The following ERC2 variants were observed in gnomAD, a reference collection of about 807,000 sequenced individuals.
The protein encoded by ERC2 is ELKS/RAB6-interacting/CAST family member 2.
A neutral mutation model predicts 114.8 loss-of-function variants in ERC2; 42 were observed. The observed-to-expected ratio is 0.37, with a 90% CI of 0.29 to 0.47. The LOEUF is 0.47. Ranked by LOEUF, ERC2 falls within the 20% of genes least tolerant of loss-of-function variation. The pLI, the probability that ERC2 is intolerant of heterozygous loss-of-function variation, is 0.99. For synonymous variants in ERC2, 454 were observed against 425.5 expected (o/e 1.07, Z -0.82); for missense variants, 939 against 1,150.7 (o/e 0.82, Z 2.66).
At chr3:55,706,525 T>C (rs2063499498) in intron 15 of ERC2, among the ~76,000 whole-genome samples, 1 of 151,986 alleles carries the variant, frequency 6.6e-6, no homozygotes, top group South Asian at 2.1e-4. Flanking sequence ...GCCTCCAGAG[T>C]AGCTGGGATT....
intron 10 of ERC2, among the ~76,000 whole-genome samples, chr3:56,003,904 T>A (rs9829405): frequency 0.04 from 6,093 of 152,148 alleles, 262 homozygotes; most frequent in African/African-American, 0.11. Context: ...TATTTTAAAC[T>A]GCACTCTCAA....
intron 4 of ERC2, among the ~76,000 whole-genome samples, chr3:56,158,427 G>C (rs2081859708): frequency 6.6e-6 from 1 of 152,130 alleles, no homozygotes. Context: ...GGCTTATTTA[G>C]TTCCTTCTCT....
chr3:55,961,800 A>T (rs556251751), intron 12 of ERC2, among the ~76,000 whole-genome samples: 3 of 149,976 alleles, frequency 2.0e-5, no homozygotes, highest in Non-Finnish European at 4.4e-5. Context: ...ATTAAAAAAA[A>T]TTCAATTTCA....
Position 55,814,505 on chromosome 3 carries a change from T to C in ERC2, c.2564+73884A>G, listed in dbSNP as rs1006970383. ...ATTTTGAAGTATGAATCACATTCTC[T>C]ACTCTTCCCTTTCTGTTCAAATAGG... On this transcript the variant is annotated intron_variant, in intron 14 of 17. Transcript: ENST00000288221. Among the ~76,000 whole-genome samples, 8 of 152,362 alleles carry C rather than the reference T, an allele frequency of 5.3e-5. 1 individual carries two copies. In the South Asian group the frequency reaches 1.0e-3, roughly 20 times the overall value.
chr3:55,746,037 T>G (rs959610993), intron 14 of ERC2, among the ~76,000 whole-genome samples: 5 of 152,218 alleles, frequency 3.3e-5, no homozygotes, highest in African/African-American at 1.2e-4. Flanking sequence ...TTTCCCTTCT[T>G]AATTTGAATA....
intron 14 of ERC2, among the ~76,000 whole-genome samples, chr3:55,843,826 T>G (rs2061237138): frequency 6.6e-6 from 1 of 152,202 alleles, no homozygotes; most frequent in Non-Finnish European, 1.5e-5. Flanking sequence ...ATTAGCTCTC[T>G]CCTCCCAATT....
intron 14 of ERC2, among the ~76,000 whole-genome samples, chr3:55,814,408 A>T (rs186247342): frequency 1.4e-4 from 21 of 152,328 alleles, no homozygotes; most frequent in Admixed American, 1.3e-3. Flanking sequence ...ATCTAGGATC[A>T]AACCAAGATT....
At chr3:56,250,277 G>A (rs17235466) in intron 3 of ERC2, among the ~76,000 whole-genome samples, 49,541 of 152,168 alleles carry the variant, frequency 0.33, 9,349 homozygotes, top group Middle Eastern at 0.44. Flanking sequence ...ATGCCATGCT[G>A]TATATTATGG....
At chr3:55,563,401 A>G (rs916999744) in intron 17 of ERC2, among the ~76,000 whole-genome samples, 8 of 150,586 alleles carry the variant, frequency 5.3e-5, no homozygotes, top group African/African-American at 2.0e-4. Context: ...TGGTACCTGG[A>G]CACTCTTCAC....
At chr3:56,418,536 G>A (rs921446475) in intron 2 of ERC2, among the ~76,000 whole-genome samples, 6 of 152,242 alleles carry the variant, frequency 3.9e-5, no homozygotes, top group African/African-American at 7.2e-5. Flanking sequence ...CTCCTCTGAG[G>A]CTTGCTTTGC....
At chr3:55,897,252 C>T (rs759191919) in intron 13 of ERC2, among the ~76,000 whole-genome samples, 3 of 152,174 alleles carry the variant, frequency 2.0e-5, no homozygotes, top group Non-Finnish European at 4.4e-5. Context: ...CTCTTCCTGA[C>T]GCGTGGCAGC....
intron 6 of ERC2, among the ~76,000 whole-genome samples, chr3:56,102,103 C>G (rs1474400400): frequency 2.6e-5 from 4 of 152,304 alleles, no homozygotes; most frequent in Middle Eastern, 3.4e-3. Context: ...GCTAACTTTT[C>G]CCTCCCTTTG....
At chr3:55,635,864 T>C (rs1432720454) in intron 17 of ERC2, among the ~76,000 whole-genome samples, 3 of 151,606 alleles carry the variant, frequency 2.0e-5, no homozygotes, top group African/African-American at 7.3e-5. Context: ...TTATTTTTAT[T>C]TTATTTTATT....
intron 13 of ERC2, among the ~76,000 whole-genome samples, chr3:55,891,325 AC>A (rs2063585682): frequency 6.6e-6 from 1 of 152,108 alleles, no homozygotes; most frequent in Admixed American, 6.5e-5. Flanking sequence ...CCCAGGGCAA[AC>A]CCACATCACA....
intron 3 of ERC2, among the ~76,000 whole-genome samples, chr3:56,225,815 A>G (rs2150161523): frequency 6.6e-6 from 1 of 152,292 alleles, no homozygotes; most frequent in African/African-American, 2.4e-5. Context: ...TATGTTCTGA[A>G]GAAAAATAGG....
At chr3:56,089,376 T>G (rs1465630231) in intron 6 of ERC2, among the ~76,000 whole-genome samples, 1 of 152,206 alleles carries the variant, frequency 6.6e-6, no homozygotes, top group African/African-American at 2.4e-5. Context: ...AGAGCAAGGT[T>G]TAAGACTGTG....
chr3:55,688,113 C>G (rs1031757080), intron 16 of ERC2, among the ~76,000 whole-genome samples: 2 of 152,088 alleles, frequency 1.3e-5, no homozygotes, highest in African/African-American at 2.4e-5. Flanking sequence ...TCTCTGGGGC[C>G]CATTTGCAGG....
chr3:56,418,117 T>A (rs997480471), intron 2 of ERC2, among the ~76,000 whole-genome samples: 5 of 151,722 alleles, frequency 3.3e-5, no homozygotes, highest in African/African-American at 9.7e-5. Flanking sequence ...CGAGACCCTG[T>A]CTCTACAAAA....
At chr3:55,630,061 T>C (rs2059683091) in intron 17 of ERC2, among the ~76,000 whole-genome samples, 1 of 152,214 alleles carries the variant, frequency 6.6e-6, no homozygotes, top group Non-Finnish European at 1.5e-5. Context: ...GGAGCCAGAC[T>C]GGGGGAGCCC....
Sources: gnomAD v4.1 joint callset for allele counts (sites outside exome capture counted in the v4.1 genomes callset) on GRCh38, gnomAD v4.1.1 for gene constraint, MANE v1.5 for transcripts, NCBI Gene and HGNC (gene_info 2026-07-23, HGNC 2026-07-21) for gene names.